The following ARHGEF7 variants were observed in gnomAD, a reference collection of about 807,000 sequenced individuals.
ARHGEF7 encodes the protein PAK-interacting exchange factor beta.
A neutral mutation model predicts 109.8 loss-of-function variants in ARHGEF7; 33 were observed. The ratio of observed to expected loss-of-function variants is 0.30; its 90% CI spans 0.23 to 0.40. The LOEUF (loss-of-function observed/expected upper bound fraction) is 0.40. Ranked by LOEUF, ARHGEF7 falls within the 10% of genes least tolerant of loss-of-function variation. The probability of loss-of-function intolerance (pLI) is 1.00; values close to 1 mark genes in which losing one functional copy is unlikely to be tolerated. For synonymous variants in ARHGEF7, 458 were observed against 424.6 expected, an observed-to-expected ratio of 1.08 and a Z score of -0.97; for missense variants, 938 against 1,098.5, an observed-to-expected ratio of 0.85 and a Z score of 2.07.
intron 9 of ARHGEF7, among the ~76,000 whole-genome samples, chr13:111,269,166 T>C (rs967822890): frequency 4.6e-5 from 7 of 152,236 alleles, no homozygotes; most frequent in Admixed American, 2.6e-4. Context: ...CCCTGGGCTG[T>C]GTCCACAGCG....
Position 111,115,590 on chromosome 13 carries a change from A to G in ARHGEF7, c.64A>G (p.Lys22Glu). ...ITLGVLESPK[K>E]TISDPEGFLQ... Reference sequence around the variant, plus strand: ...TCTGGGGGTGCTGGAGTCGCCCAAAAAAACCATCTCGGACCCGGAGGGCTT... The same window carrying G: ...TCTGGGGGTGCTGGAGTCGCCCAAAGAAACCATCTCGGACCCGGAGGGCTT... Residue 22 changes from lysine (K) to glutamate (E), a missense_variant, in exon 1 of 22, where the codon AAA becomes GAA. Lys to Glu is a moderately conservative substitution (Grantham distance 56). Around this residue, in one of 4 missense-constraint regions of ARHGEF7, gnomAD observed 165 missense variants for 125.8 expected, o/e 1.31. Coordinates refer to ENST00000646102, the MANE Select transcript of ARHGEF7 (RefSeq NM_001354046.2). The G allele has an allele frequency of 7.0e-7, 1 of 1,427,500 alleles. No individual in the cohort carries two copies. 88.4% of individuals were successfully genotyped at this position (1,427,500 alleles called of 1,614,324 possible).
At chr13:111,285,612 TG>T (rs2092987261) in intron 16 of ARHGEF7, among the ~76,000 whole-genome samples, 3 of 152,342 alleles carry the variant, frequency 2.0e-5, no homozygotes, top group Admixed American at 2.0e-4. Context: ...AGCTTGGCTG[TG>T]CTCCTGGCAC....
chr13:111,137,413 G>T (rs1176358047), intron 1 of ARHGEF7, among the ~76,000 whole-genome samples: 2 of 152,182 alleles, frequency 1.3e-5, no homozygotes, highest in Non-Finnish European at 2.9e-5. Context: ...AGGAGGCCAC[G>T]GTGTCCTCAC....
chr13:111,149,565 T>A (rs2075789158), intron 1 of ARHGEF7, among the ~76,000 whole-genome samples: 1 of 152,248 alleles, frequency 6.6e-6, no homozygotes, highest in South Asian at 2.1e-4. Flanking sequence ...GCCAGAACAT[T>A]TTGCCAACCA....
intron 2 of ARHGEF7, among the ~76,000 whole-genome samples, chr13:111,154,655 T>G (rs1161224132): frequency 6.6e-6 from 1 of 152,234 alleles, no homozygotes; most frequent in Non-Finnish European, 1.5e-5. Context: ...GTTGTGTCAC[T>G]TTACTAAACA....
intron 5 of ARHGEF7, among the ~76,000 whole-genome samples, chr13:111,226,487 C>T (rs981804873): frequency 1.3e-5 from 2 of 152,216 alleles, no homozygotes; most frequent in Admixed American, 6.5e-5. Context: ...GCTTAACCAA[C>T]TTTGCCTCTC....
chr13:111,209,307 T>TA (rs1349212297), intron 3 of ARHGEF7: 11 of 152,322 alleles, frequency 7.2e-5, no homozygotes, highest in Admixed American at 6.5e-4. Context: ...CTAAGCCTCT[T>TA]ACTGTCTGTT....
intron 3 of ARHGEF7, among the ~76,000 whole-genome samples, chr13:111,206,788 C>T (rs552066255): frequency 6.6e-5 from 10 of 151,628 alleles, no homozygotes; most frequent in Non-Finnish European, 5.9e-5. Flanking sequence ...GGTGAAACCC[C>T]GTCTCAACTA....
intron 16 of ARHGEF7, 22 bp downstream of exon 16, chr13:111,283,385 A>G: frequency 1.3e-6 from 2 of 1,537,694 alleles, no homozygotes; most frequent in Non-Finnish European, 1.7e-6. Flanking sequence ...TGACCACTCA[A>G]ACAGCCAGAT....
chr13:111,171,987 A>T (rs968415952), intron 2 of ARHGEF7, among the ~76,000 whole-genome samples: 1 of 152,234 alleles, frequency 6.6e-6, no homozygotes, highest in African/African-American at 2.4e-5. Flanking sequence ...TCCCAGTTCC[A>T]GAACTGTGAG....
intron 2 of ARHGEF7, among the ~76,000 whole-genome samples, chr13:111,179,506 A>G (rs1338152972): frequency 6.6e-6 from 1 of 152,202 alleles, no homozygotes; most frequent in South Asian, 2.1e-4. Flanking sequence ...CTACATAACC[A>G]TGGTGTCATT....
chr13:111,277,751 A>T (rs1474829840), intron 13 of ARHGEF7, 78 bp downstream of exon 13: 1 of 978,860 alleles, frequency 1.0e-6, no homozygotes, highest in African/African-American at 1.6e-5. Context: ...TGTGTTAAAT[A>T]TTACGTGTAT....
chr13:111,198,193 G>A lies in ARHGEF7; in HGVS notation c.253-7096G>A, dbSNP rs753142586. On this transcript the variant is annotated intron_variant, in intron 2 of 21. Coordinates refer to ENST00000646102, the MANE Select transcript of ARHGEF7 (RefSeq NM_001354046.2). ...CACGCGTGTCTTTAGTCCGGTGGCT[G>A]TGCTAGTTGCTTTTAACTGGCCGAC... Among the ~76,000 whole-genome samples, 26 of 152,174 alleles carry A rather than the reference G, an allele frequency of 1.7e-4. 1 individual carries two copies. Among genetic ancestry groups the A allele is most frequent in the South Asian group, 1.2e-3 (6 of 4,816 alleles).
At chr13:111,115,269 G>T, upstream of ARHGEF7, 1 of 148,150 alleles carries the variant, frequency 6.7e-6, no homozygotes, top group South Asian at 1.9e-4. Context: ...TGATGTCATT[G>T]GGCGACGGCG....
rs778191238 is a variant in ARHGEF7 at position 111,244,192 on chromosome 13, G to C, written c.855-7G>C. The C allele has an allele frequency of 6.4e-7, 1 of 1,571,452 alleles. No individual in the cohort carries two copies. Among genetic ancestry groups the C allele is most frequent in the South Asian group, 1.2e-5 (1 of 86,212 alleles). On this transcript the variant is annotated splice_polypyrimidine_tract_variant and splice_region_variant and intron_variant, in intron 7 of 21. Transcript: ENST00000646102. ...CATATGTTTACTGTTATTTTTCTTG[G>C]CTCTAGGTTAAGTTCAGCAAACATT...
intron 1 of ARHGEF7, among the ~76,000 whole-genome samples, chr13:111,117,328 AAAAC>A (rs2066862727): frequency 2.6e-5 from 4 of 152,264 alleles, no homozygotes; most frequent in African/African-American, 9.6e-5. Flanking sequence ...TTTCATCTCT[AAAAC>A]AACAAAGAGA....
In ARHGEF7 at chr13:111,233,309, A is replaced by G. The variant is rs2086354847; in HGVS notation, c.759+16A>G. The G allele has an allele frequency of 1.3e-6, 2 of 1,598,878 alleles. No homozygotes were observed. The highest frequency in any genetic ancestry group is 1.7e-4 in the Middle Eastern group (1 of 6,036). On this transcript the variant is annotated intron_variant, in intron 6 of 21. Transcript: ENST00000646102. Reference sequence around the variant, plus strand: ...TTACAATGTGGTGAGTAATTGCAGAACATTTTTAAACTAACTGGTTTTTGA... The same window carrying G: ...TTACAATGTGGTGAGTAATTGCAGAGCATTTTTAAACTAACTGGTTTTTGA...
At chr13:111,219,996 T>A (rs1460401565) in intron 5 of ARHGEF7, among the ~76,000 whole-genome samples, 1 of 152,194 alleles carries the variant, frequency 6.6e-6, no homozygotes, top group African/African-American at 2.4e-5. Flanking sequence ...TTGATAGACA[T>A]CACTGTTAGG....
At chr13:111,268,529 C>A (rs2091869012) in intron 9 of ARHGEF7, among the ~76,000 whole-genome samples, 1 of 152,202 alleles carries the variant, frequency 6.6e-6, no homozygotes, top group Non-Finnish European at 1.5e-5. Flanking sequence ...CTTAACCGAA[C>A]ATTTCCACTG....
Sources: gnomAD v4.1 joint callset for allele counts (sites outside exome capture counted in the v4.1 genomes callset) on GRCh38, gnomAD v4.1.1 for gene constraint, gnomAD v4.1.1 regional missense constraint, MANE v1.5 for transcripts, NCBI Gene and HGNC (gene_info 2026-07-23, HGNC 2026-07-21) for gene names.